The following DCC variants were observed in gnomAD, a reference collection of about 807,000 sequenced individuals.
DCC encodes the protein DCC netrin 1 receptor.
DCC carries 58 observed loss-of-function variants against 172.5 expected under a neutral mutation model. The observed-to-expected ratio is 0.34, with a 90% CI of 0.27 to 0.42. The LOEUF (loss-of-function observed/expected upper bound fraction) is 0.42, where lower values mean the gene tolerates loss of function less well. Among genes scored for constraint, DCC ranks in the 10% least tolerant of loss-of-function variants. The probability of loss-of-function intolerance (pLI) is 1.00; values close to 1 mark genes in which losing one functional copy is unlikely to be tolerated. For missense variants in DCC, 1,740 were observed against 1,791.0 expected, an observed-to-expected ratio of 0.97 and a Z score of 0.51; for synonymous variants, 709 against 644.5, an observed-to-expected ratio of 1.10 and a Z score of -1.52.
chr18:53,284,697 T>C (rs887874165), intron 12 of DCC, among the ~76,000 whole-genome samples: 1 of 152,144 alleles, frequency 6.6e-6, no homozygotes, highest in African/African-American at 2.4e-5. Flanking sequence ...ACTTTGGAAC[T>C]GGGTAACAGG....
chr18:52,503,154 T>C (rs978201492), intron 1 of DCC, among the ~76,000 whole-genome samples: 40 of 152,208 alleles, frequency 2.6e-4, no homozygotes, highest in African/African-American at 9.6e-4. Flanking sequence ...TAAAGTCATA[T>C]ATATCTCTTT....
intron 1 of DCC, among the ~76,000 whole-genome samples, chr18:52,576,197 C>T (rs2033407563): frequency 1.3e-5 from 2 of 152,160 alleles, no homozygotes; most frequent in Non-Finnish European, 2.9e-5. Flanking sequence ...GACGCCATTA[C>T]AGAATGTTCC....
chr18:52,369,725 T>C (rs1435526523), intron 1 of DCC, among the ~76,000 whole-genome samples: 1 of 152,116 alleles, frequency 6.6e-6, no homozygotes, highest in Non-Finnish European at 1.5e-5. Flanking sequence ...AAGGTGATGT[T>C]ACTTTACTTG....
At chr18:53,335,388 A>G (rs2057580569) in intron 14 of DCC, among the ~76,000 whole-genome samples, 1 of 152,164 alleles carries the variant, frequency 6.6e-6, no homozygotes, top group Non-Finnish European at 1.5e-5. Context: ...AGTACCTAGA[A>G]CTACAACTAG....
chr18:53,188,162 A>G (rs1241977675), intron 9 of DCC, among the ~76,000 whole-genome samples: 1 of 152,252 alleles, frequency 6.6e-6, no homozygotes, highest in Non-Finnish European at 1.5e-5. Context: ...TTAAGATAGT[A>G]GATTCCAACC....
intron 24 of DCC, among the ~76,000 whole-genome samples, chr18:53,463,985 G>A (rs927598510): frequency 6.6e-6 from 1 of 152,156 alleles, no homozygotes; most frequent in Non-Finnish European, 1.5e-5. Flanking sequence ...TATGCAAACT[G>A]CTTAAACAAA....
Position 53,338,095 on chromosome 18 carries a change from T to A in DCC, c.2165-1618T>A, listed in dbSNP as rs73467221. Among the ~76,000 whole-genome samples, 856 of 152,312 alleles carry A rather than the reference T, an allele frequency of 5.6e-3. 7 individuals are homozygous for A. The highest frequency in any genetic ancestry group is 0.02 in the African/African-American group (811 of 41,558). On this transcript the variant is annotated intron_variant, in intron 14 of 28. Transcript: ENST00000442544. ...TTCTTACATATCTTTGCATAATACT[T>A]CCCTGATTTTCAAAGAATAGGTTAC...
At chr18:52,793,332 A>G (rs1354015051) in intron 2 of DCC, among the ~76,000 whole-genome samples, 3 of 152,318 alleles carry the variant, frequency 2.0e-5, no homozygotes, top group African/African-American at 7.2e-5. Context: ...TCACTTCTGC[A>G]AGCTCCCAGC....
At chr18:52,922,871 AT>A (rs1323535982) in intron 3 of DCC, among the ~76,000 whole-genome samples, 1 of 152,048 alleles carries the variant, frequency 6.6e-6, no homozygotes, top group Admixed American at 6.6e-5. Flanking sequence ...AACTTTGTGA[AT>A]TTTTTGCTTA....
chr18:53,160,498 A>T (rs181976361), intron 8 of DCC, among the ~76,000 whole-genome samples: 1 of 152,264 alleles, frequency 6.6e-6, no homozygotes, highest in East Asian at 1.9e-4. Context: ...CTCTCATTTC[A>T]TATTACTTGC....
intron 1 of DCC, among the ~76,000 whole-genome samples, chr18:52,538,658 T>TCAC (rs1185820723): frequency 6.6e-6 from 1 of 152,192 alleles, no homozygotes; most frequent in African/African-American, 2.4e-5. Flanking sequence ...AGTAGCCCTT[T>TCAC]CACAGGGCCA....
chr18:53,261,757 C>A (rs1416789791), intron 12 of DCC, among the ~76,000 whole-genome samples: 4 of 152,212 alleles, frequency 2.6e-5, no homozygotes, highest in African/African-American at 9.6e-5. Flanking sequence ...CCTTGGCCTC[C>A]CAAAGTGCTG....
At chr18:53,506,537 AAAG>A (rs1447731948) in intron 27 of DCC, among the ~76,000 whole-genome samples, 1 of 152,204 alleles carries the variant, frequency 6.6e-6, no homozygotes, top group South Asian at 2.1e-4. Flanking sequence ...TGGCCTCCAT[AAAG>A]AAGAATAGAA....
At chr18:53,171,747 C>T (rs1444427156) in intron 8 of DCC, among the ~76,000 whole-genome samples, 1 of 151,752 alleles carries the variant, frequency 6.6e-6, no homozygotes, top group Non-Finnish European at 1.5e-5. Context: ...CAAAAGAACA[C>T]ATACAAACAG....
chr18:53,518,436 CCTT>C (rs1241106948), intron 27 of DCC, among the ~76,000 whole-genome samples: 1 of 152,088 alleles, frequency 6.6e-6, no homozygotes, highest in Non-Finnish European at 1.5e-5. Context: ...CATGGGAAAA[CCTT>C]CTGCAGAGAG....
chr18:52,791,727 C>A (rs573176130), intron 2 of DCC, among the ~76,000 whole-genome samples: 1 of 152,072 alleles, frequency 6.6e-6, no homozygotes, highest in Non-Finnish European at 1.5e-5. Context: ...GCACTTTCCT[C>A]CTTGATGGAG....
At chr18:52,633,791 T>G (rs1759234173) in intron 1 of DCC, among the ~76,000 whole-genome samples, 1 of 152,124 alleles carries the variant, frequency 6.6e-6, no homozygotes, top group African/African-American at 2.4e-5. Flanking sequence ...GCCAGATATG[T>G]TAGAAGGTAT....
chr18:53,110,261 TATC>T (rs1179356054), intron 7 of DCC, among the ~76,000 whole-genome samples: 1 of 151,740 alleles, frequency 6.6e-6, no homozygotes, highest in African/African-American at 2.4e-5. Flanking sequence ...GTGACATTAA[TATC>T]ATCAATAGTT....
intron 3 of DCC, among the ~76,000 whole-genome samples, chr18:52,906,768 GATATATATATGTATCATATATC>G (rs1568179549): frequency 2.7e-4 from 41 of 151,546 alleles, no homozygotes; most frequent in African/African-American, 9.2e-4. Flanking sequence ...GATACATATA[GATATATATATGTATCATATATC>G]ATATATCTAT....
Sources: allele counts gnomAD v4.1 joint callset (sites outside exome capture counted in the v4.1 genomes callset), GRCh38; gene constraint gnomAD v4.1.1; transcripts MANE v1.5; gene names NCBI Gene and HGNC (gene_info 2026-07-23, HGNC 2026-07-21).